Variants in BBS9 observed in about 807,000 individuals in gnomAD.
BBS9 encodes protein PTHB1.
BBS9 carries 89 observed loss-of-function variants against 117.7 expected under a neutral mutation model. The ratio of observed to expected loss-of-function variants is 0.76; its 90% CI spans 0.64 to 0.90. The LOEUF (loss-of-function observed/expected upper bound fraction) is 0.90. BBS9 is among the 40% of genes least tolerant of loss of function. The probability of loss-of-function intolerance (pLI) is 0.00; values close to 1 mark genes in which losing one functional copy is unlikely to be tolerated. For synonymous variants in BBS9, 379 were observed against 370.9 expected (o/e 1.02, Z -0.25); for missense variants, 982 against 1,042.2 (o/e 0.94, Z 0.80).
At chr7:33,310,523 T>C (rs1320285718) in intron 9 of BBS9, among the ~76,000 whole-genome samples, 5 of 152,166 alleles carry the variant, frequency 3.3e-5, no homozygotes, top group Non-Finnish European at 7.4e-5. Context: ...GGGATATTTC[T>C]GAGAGTAAAA....
downstream of BBS9, among the ~76,000 whole-genome samples, chr7:33,606,801 C>A (rs2129211083): frequency 6.6e-6 from 1 of 152,280 alleles, no homozygotes; most frequent in South Asian, 2.1e-4. Context: ...GTGGACAAGG[C>A]ATCATGGACT....
At chr7:33,352,825 C>G (rs189204616) in intron 14 of BBS9, 34 bp from the exon 15 acceptor site, 1 of 1,608,988 alleles carries the variant, frequency 6.2e-7, no homozygotes, top group Admixed American at 1.7e-5. Context: ...CTTCTTTTCC[C>G]CCTACCCATT....
chr7:33,572,049 G>T (rs990567644), intron 21 of BBS9, among the ~76,000 whole-genome samples: 7 of 151,782 alleles, frequency 4.6e-5, no homozygotes, highest in African/African-American at 1.7e-4. Context: ...GTATCTAGTT[G>T]TATTTTTGTA....
intron 5 of BBS9, among the ~76,000 whole-genome samples, chr7:33,198,880 A>G (rs772439573): frequency 6.6e-6 from 1 of 152,002 alleles, no homozygotes; most frequent in Non-Finnish European, 1.5e-5. Flanking sequence ...AGACTTCAGC[A>G]GTGGTTTTAA....
In BBS9 at chr7:33,386,736, C is replaced by T. The variant is rs12666955; in HGVS notation, c.1963-1256C>T. 0.02 allele frequency among the ~76,000 whole-genome samples: 3,000 copies of T among 151,966 alleles called. 201 individuals carry two copies. The East Asian group carries it at 0.26, about 13-fold the overall frequency. Reference sequence around the variant, plus strand: ...GTCTCGATCTCCTGACCTCGTGATCCGCCCGCCTCGGCCTCCCAAAGTTCT... The same window carrying T: ...GTCTCGATCTCCTGACCTCGTGATCTGCCCGCCTCGGCCTCCCAAAGTTCT... On this transcript the variant is annotated intron_variant, in intron 18 of 22. Coordinates refer to ENST00000242067, the MANE Select transcript of BBS9 (RefSeq NM_198428.3).
intron 19 of BBS9, among the ~76,000 whole-genome samples, chr7:33,484,354 A>G (rs1842831638): frequency 6.6e-6 from 1 of 152,238 alleles, no homozygotes; most frequent in Non-Finnish European, 1.5e-5. Flanking sequence ...CCAGATGTAG[A>G]ATATGACCTC....
intron 18 of BBS9, 150 bp downstream of exon 18, chr7:33,383,988 T>C (rs1825561049): frequency 1.2e-6 from 1 of 802,630 alleles, no homozygotes; most frequent in Middle Eastern, 3.7e-4. Flanking sequence ...AATCCATTCC[T>C]GCCCACTTGC....
chr7:33,220,847 G>A (rs1790109628), intron 5 of BBS9, among the ~76,000 whole-genome samples: 1 of 152,160 alleles, frequency 6.6e-6, no homozygotes, highest in Non-Finnish European at 1.5e-5. Flanking sequence ...TTAAATACAA[G>A]TTTAAAATTT....
intron 11 of BBS9, among the ~76,000 whole-genome samples, chr7:33,343,298 T>C (rs912799115): frequency 7.9e-5 from 12 of 152,210 alleles, no homozygotes; most frequent in African/African-American, 2.9e-4. Flanking sequence ...ATAGAGCATT[T>C]TCCCCTACCA....
chr7:33,294,363 A>ATCCATCCATCCG (rs1470679219), intron 9 of BBS9, among the ~76,000 whole-genome samples: 15 of 110,422 alleles, frequency 1.4e-4, no homozygotes, highest in Non-Finnish European at 2.0e-4. Flanking sequence ...CTCTTTGTCC[A>ATCCATCCATCCG]TCCATCCATC....
At chr7:33,506,341 G>A (rs1030371245) in intron 20 of BBS9, among the ~76,000 whole-genome samples, 3 of 152,134 alleles carry the variant, frequency 2.0e-5, no homozygotes, top group Non-Finnish European at 4.4e-5. Flanking sequence ...ATTAGAGACC[G>A]TTGAACTTAG....
At chr7:33,504,462 G>A (rs756498120) in intron 19 of BBS9, among the ~76,000 whole-genome samples, 14 of 152,044 alleles carry the variant, frequency 9.2e-5, no homozygotes, top group Non-Finnish European at 1.6e-4. Flanking sequence ...AGCCCTTTGG[G>A]CCCGTGTCAA....
Position 33,346,240 on chromosome 7 carries a change from C to T in BBS9, c.1329+1606C>T, listed in dbSNP as rs6974593. The T allele has an allele frequency of 0.97, 454,464 of 469,804 alleles. 220,448 individuals carry two copies. Among genetic ancestry groups the T allele is most frequent in the Non-Finnish European group, 0.99 (225,078 of 226,772 alleles). The allele number at this position is 469,804 out of a possible 1,614,324, so 29.1% of individuals were successfully genotyped here. A position where few individuals can be genotyped will look rare whatever the true frequency, so the allele number is the denominator to read the frequency against. On this transcript the variant is annotated intron_variant, in intron 12 of 22. Transcript: ENST00000242067. ...TTATAACAACAGCAGCCAAGATATACAACCATGCAAGTTTCCATCATAATA... is the reference window on the plus strand; with the variant it reads ...TTATAACAACAGCAGCCAAGATATATAACCATGCAAGTTTCCATCATAATA...
chr7:33,255,006 A>G (rs769349142), intron 5 of BBS9, among the ~76,000 whole-genome samples: 1 of 139,600 alleles, frequency 7.2e-6, no homozygotes, highest in Non-Finnish European at 1.6e-5. Flanking sequence ...GAATTGGTTT[A>G]TTTGTTTTTT....
intron 5 of BBS9, among the ~76,000 whole-genome samples, chr7:33,190,065 C>CT (rs1783831382): frequency 6.7e-6 from 1 of 149,742 alleles, no homozygotes; most frequent in South Asian, 2.1e-4. Flanking sequence ...AACTTATTTG[C>CT]TTTCCTTTAA....
intron 4 of BBS9, among the ~76,000 whole-genome samples, chr7:33,156,630 C>T (rs2128117106): frequency 6.6e-6 from 1 of 152,260 alleles, no homozygotes; most frequent in East Asian, 1.9e-4. Context: ...GGCTTGGTAA[C>T]CTGGCGTGGT....
intron 21 of BBS9, among the ~76,000 whole-genome samples, chr7:33,563,108 G>A (rs1856338883): frequency 6.6e-6 from 1 of 152,116 alleles, no homozygotes; most frequent in Non-Finnish European, 1.5e-5. Flanking sequence ...AATGGGTCTA[G>A]GAGTGTAAAT....
intron 19 of BBS9, among the ~76,000 whole-genome samples, chr7:33,431,207 C>G (rs968320065): frequency 2.7e-5 from 3 of 111,152 alleles, no homozygotes; most frequent in Non-Finnish European, 5.8e-5. Context: ...GACCCTGTCT[C>G]AAAAAAAAAA....
At chr7:33,455,948 C>T (rs1300063145) in intron 19 of BBS9, among the ~76,000 whole-genome samples, 1 of 152,128 alleles carries the variant, frequency 6.6e-6, no homozygotes, top group Non-Finnish European at 1.5e-5. Flanking sequence ...TGATAACAAG[C>T]AATTTCAGAA....
Sources: allele counts gnomAD v4.1 joint callset (sites outside exome capture counted in the v4.1 genomes callset), GRCh38; gene constraint gnomAD v4.1.1; transcripts MANE v1.5; gene names NCBI Gene and HGNC (gene_info 2026-07-23, HGNC 2026-07-21).